The following C11orf65 variants were observed in gnomAD, a reference collection of about 807,000 sequenced individuals.
C11orf65 encodes chromosome 11 open reading frame 65.
C11orf65 carries 38 observed loss-of-function variants against 35.3 expected under a neutral mutation model. The ratio of observed to expected loss-of-function variants is 1.08; its 90% CI spans 0.83 to 1.41. C11orf65 has a LOEUF of 1.41. Ranked by LOEUF, C11orf65 falls within the 40% of genes most tolerant of loss-of-function variation. The pLI is 0.00. For synonymous variants in C11orf65, 105 were observed against 114.4 expected (o/e 0.92, Z 0.53); for missense variants, 370 against 367.1 (o/e 1.01, Z -0.06).
chr11:108,320,978 A>G (rs1388756831), intron 6 of C11orf65, among the ~76,000 whole-genome samples: 1 of 152,226 alleles, frequency 6.6e-6, no homozygotes, highest in East Asian at 1.9e-4. Flanking sequence ...TTTACTAGTA[A>G]GTGGAAGTGG....
At chr11:108,416,721 C>T (rs193101069) in intron 3 of C11orf65, among the ~76,000 whole-genome samples, 1 of 152,180 alleles carries the variant, frequency 6.6e-6, no homozygotes, top group Admixed American at 6.5e-5. Flanking sequence ...CCTCTATACA[C>T]CTTTTAGAAT....
At chr11:108,391,361 G>A (rs1364065768) in intron 7 of C11orf65, among the ~76,000 whole-genome samples, 2 of 151,980 alleles carry the variant, frequency 1.3e-5, no homozygotes, top group African/African-American at 2.4e-5. Flanking sequence ...GCAGAGTTGT[G>A]GCTCCACCAC....
At chr11:108,421,130 G>A (rs1009762826) in intron 3 of C11orf65, among the ~76,000 whole-genome samples, 1 of 152,066 alleles carries the variant, frequency 6.6e-6, no homozygotes, top group Non-Finnish European at 1.5e-5. Flanking sequence ...TCTCTTTTTT[G>A]ATAATCTCTA....
intron 3 of C11orf65, chr11:108,334,860 C>T: frequency 3.0e-6 from 4 of 1,320,978 alleles, no homozygotes; most frequent in Non-Finnish European, 4.3e-6. Context: ...ACTATCACAT[C>T]GTCATTTGTT....
At chr11:108,353,685 C>G in intron 2 of C11orf65, 2 of 1,172,300 alleles carry the variant, frequency 1.7e-6, no homozygotes, top group East Asian at 2.4e-5. Context: ...GGTTTCTTGC[C>G]TTTGTAAAGT....
chr11:108,423,452 A>C (rs1231819545), intron 3 of C11orf65, among the ~76,000 whole-genome samples: 1 of 152,128 alleles, frequency 6.6e-6, no homozygotes, highest in African/African-American at 2.4e-5. Context: ...CTCACAGAGC[A>C]CCTGGGGGAA....
intron 2 of C11orf65, among the ~76,000 whole-genome samples, chr11:108,441,867 G>A (rs1330110388): frequency 1.3e-5 from 2 of 152,200 alleles, no homozygotes; most frequent in African/African-American, 4.8e-5. Context: ...AAGACGGGGA[G>A]AAACCAGAGC....
intron 2 of C11orf65, among the ~76,000 whole-genome samples, chr11:108,375,581 C>A (rs1484056835): frequency 6.6e-6 from 1 of 151,970 alleles, no homozygotes; most frequent in Admixed American, 6.6e-5. Flanking sequence ...CATCAACTAA[C>A]GAACAAAATA....
At chr11:108,378,966 G>A (rs1413997013), downstream of C11orf65, among the ~76,000 whole-genome samples, 1 of 152,130 alleles carries the variant, frequency 6.6e-6, no homozygotes, top group African/African-American at 2.4e-5. Context: ...TCATTAAAAA[G>A]TCAGGAAACA....
In C11orf65 at chr11:108,358,624, G is replaced by C. The variant is rs879581962; in HGVS notation, c.227-23332C>G. On this transcript the variant is annotated intron_variant, in intron 2 of 3. Transcript: ENST00000524755. ...GGCAGAAACCCTACAAGCCAGAAGAGAGTGGGGGCCAATATTCAACATTCT... is the reference window on the plus strand; with the variant it reads ...GGCAGAAACCCTACAAGCCAGAAGACAGTGGGGGCCAATATTCAACATTCT... Among the ~76,000 whole-genome samples, 209 of 137,636 alleles carry C rather than the reference G, an allele frequency of 1.5e-3. 2 individuals are homozygous for C. The highest frequency in any genetic ancestry group is 0.01 in the East Asian group (49 of 4,830). The allele number at this position is 137,636 out of a possible 152,430, so 90.3% of individuals were successfully genotyped here. A position where few individuals can be genotyped will look rare whatever the true frequency, so the allele number is the denominator to read the frequency against.
intron 2 of C11orf65, among the ~76,000 whole-genome samples, chr11:108,372,256 C>T (rs1489283250): frequency 6.6e-6 from 1 of 152,190 alleles, no homozygotes; most frequent in East Asian, 1.9e-4. Flanking sequence ...TGCAGCAGCA[C>T]GATCTCGGCT....
chr11:108,372,387 T>A (rs1184659921), intron 2 of C11orf65, among the ~76,000 whole-genome samples: 3 of 152,080 alleles, frequency 2.0e-5, no homozygotes, highest in African/African-American at 7.2e-5. Context: ...AGAGACAGGG[T>A]TTCACCATGT....
At chr11:108,462,462 G>A (rs1211903133) in intron 1 of C11orf65, 3 of 152,218 alleles carry the variant, frequency 2.0e-5, no homozygotes, top group Non-Finnish European at 4.4e-5. Flanking sequence ...GAGGAGCCTA[G>A]GCTTTAAGGC....
At chr11:108,446,543 G>A (rs2093262290) in intron 2 of C11orf65, among the ~76,000 whole-genome samples, 1 of 151,856 alleles carries the variant, frequency 6.6e-6, no homozygotes, top group African/African-American at 2.4e-5. Flanking sequence ...AGCTTCATCA[G>A]TGAAGGAGAA....
rs541705492 is a variant in C11orf65, at chr11:108,342,080, GA to G, written c.227-6789del. ...TTTGTAAACTTTCTTAACATTATGA[GA>G]TTTTTTTTGCAGTTTTTTTTTCTTT... On this transcript the variant is annotated intron_variant, in intron 2 of 3. Coordinates refer to the C11orf65 transcript ENST00000524755. Among the ~76,000 whole-genome samples, 267 of 151,994 alleles carry G rather than the reference GA, an allele frequency of 1.8e-3. 10 individuals carry two copies. In the South Asian group the frequency reaches 0.031, roughly 17 times the overall value.
intron 6 of C11orf65, among the ~76,000 whole-genome samples, chr11:108,318,393 T>G (rs1199420704): frequency 6.6e-6 from 1 of 150,520 alleles, no homozygotes; most frequent in Admixed American, 6.6e-5. Context: ...AAAAATAATA[T>G]GCCTACTCAG....
chr11:108,308,734 G>A (rs2083886537), exon 7 of C11orf65: 2 of 376,840 alleles, frequency 5.3e-6, no homozygotes, highest in South Asian at 7.5e-5. Flanking sequence ...ATGTTTTTAA[G>A]CCTAAATGCA....
intron 2 of C11orf65, among the ~76,000 whole-genome samples, chr11:108,449,164 G>A (rs2093310568): frequency 6.6e-6 from 1 of 152,140 alleles, no homozygotes; most frequent in African/African-American, 2.4e-5. Flanking sequence ...AACATTCCAT[G>A]CTCATGGGTA....
At chr11:108,439,605 T>C (rs969389718) in intron 2 of C11orf65, among the ~76,000 whole-genome samples, 3 of 152,146 alleles carry the variant, frequency 2.0e-5, no homozygotes, top group African/African-American at 7.2e-5. Context: ...ATAAATACAA[T>C]GTAGCATATA....
Sources: allele counts gnomAD v4.1 joint callset (sites outside exome capture counted in the v4.1 genomes callset), GRCh38; gene constraint gnomAD v4.1.1; transcripts MANE v1.5; gene names NCBI Gene and HGNC (gene_info 2026-07-23, HGNC 2026-07-21).